ADARB1: variants seen among roughly 807,000 people sequenced by gnomAD.
ADARB1 encodes adenosine deaminase RNA specific B1, also known as double-stranded RNA-specific editase 1.
Under a neutral mutation model 52.4 loss-of-function variants are expected in ADARB1, and 10 were observed. The ratio of observed to expected loss-of-function variants is 0.19; its 90% CI spans 0.12 to 0.32. The LOEUF is 0.32. Among genes scored for constraint, ADARB1 ranks in the 10% least tolerant of loss-of-function variants. The pLI, the probability that ADARB1 is intolerant of heterozygous loss-of-function variation, is 1.00. For missense variants in ADARB1, 643 were observed against 922.3 expected, an observed-to-expected ratio of 0.70 and a Z score of 3.92; for synonymous variants, 349 against 371.1, an observed-to-expected ratio of 0.94 and a Z score of 0.68.
Position 45,074,724 on chromosome 21 carries a change from C to T in ADARB1, c.-289C>T, listed in dbSNP as rs2085841515. The T allele has an allele frequency of 6.8e-6, 1 of 146,324 alleles. No homozygotes were observed. The allele number at this position is 146,324 out of a possible 1,614,324, so 9.1% of individuals were successfully genotyped here. A position where few individuals can be genotyped will look rare whatever the true frequency, so the allele number is the denominator to read the frequency against. ...ACAACCAACGAGGCAGAGCGCCGCC[C>T]GGCGCGAGACTGCGGCCGAAGCGTG... is the stretch of plus-strand genomic sequence containing the variant. On this transcript the variant is annotated 5_prime_UTR_variant, in exon 1 of 11. Transcript: ENST00000348831.
chr21:45,184,817 T>C, intron 7 of ADARB1, 106 bp from the exon 8 acceptor site: 1 of 1,250,314 alleles, frequency 8.0e-7, no homozygotes, highest in Non-Finnish European at 1.1e-6. Context: ...TGCATTTATA[T>C]GCACAGACTG....
At chr21:45,207,512 G>A (rs2092689529) in intron 9 of ADARB1, among the ~76,000 whole-genome samples, 1 of 152,158 alleles carries the variant, frequency 6.6e-6, no homozygotes, top group South Asian at 2.1e-4. Flanking sequence ...AATCTGGAGA[G>A]GCAAATGTTG....
At chr21:45,174,663 A>G (rs1601770638) in intron 3 of ADARB1, among the ~76,000 whole-genome samples, 2 of 151,902 alleles carry the variant, frequency 1.3e-5, no homozygotes, top group East Asian at 3.9e-4. Flanking sequence ...AGATCGCGCC[A>G]CTGCACCCCA....
At position 45,180,428 on chromosome 21, in the gene ADARB1, A is replaced by C. The variant is rs2091889243; in HGVS notation, c.1062A>C (p.Gly354=). ...ACGCTCGCAGAAAAGTGCTGGCTGG[A>C]GTCGTCATGACAACAGGTAACCATC... ...SPHARRKVLA[G]VVMTTGTDVK... The change falls in exon 5 of 11, where the codon GGA becomes GGC. Residue 354 remains glycine, a synonymous_variant. Coordinates refer to ENST00000348831, the MANE Select transcript of ADARB1 (RefSeq NM_001112.4). 4.3e-6 allele frequency: 7 copies of C among 1,613,740 alleles called. No individual in the cohort carries two copies. Among genetic ancestry groups the C allele is most frequent in the Non-Finnish European group, 5.9e-6 (7 of 1,179,842 alleles).
rs1054448438 is a variant in ADARB1 at position 45,142,706 on chromosome 21, G to A, written c.-48+14133G>A. 6.6e-6 allele frequency among the ~76,000 whole-genome samples: 1 copy of A among 152,196 alleles called. No homozygotes were observed. The highest frequency in any genetic ancestry group is 2.4e-5 in the African/African-American group (1 of 41,462). On this transcript the variant is annotated intron_variant, in intron 2 of 10. Transcript: ENST00000348831. The surrounding 1 kb of genome is among the most constrained non-coding windows in gnomAD (Gnocchi z 4.0). Reference sequence around the variant, plus strand: ...GAGCCGTGTGGGATCTGCCTACTGGGTGTGCAGCTGCTGCGGCCTAAGCGG... The same window carrying A: ...GAGCCGTGTGGGATCTGCCTACTGGATGTGCAGCTGCTGCGGCCTAAGCGG...
intron 8 of ADARB1, among the ~76,000 whole-genome samples, chr21:45,188,217 C>T (rs1171394423): frequency 6.6e-6 from 1 of 152,118 alleles, no homozygotes; most frequent in African/African-American, 2.4e-5. Flanking sequence ...AGTGATTCTC[C>T]TGCTTCAGCC....
At chr21:45,161,938 A>G (rs1283331635) in intron 2 of ADARB1, among the ~76,000 whole-genome samples, 2 of 152,094 alleles carry the variant, frequency 1.3e-5, no homozygotes, top group Admixed American at 6.5e-5. Context: ...CTGTTCTGTC[A>G]CTCAATGAAG....
At chr21:45,165,184 G>A (rs1601713838) in intron 2 of ADARB1, among the ~76,000 whole-genome samples, 1 of 152,254 alleles carries the variant, frequency 6.6e-6, no homozygotes, top group East Asian at 1.9e-4. Context: ...AGTGAGGAAG[G>A]AACTAGAGCC....
intron 2 of ADARB1, among the ~76,000 whole-genome samples, chr21:45,143,565 A>T (rs747232481): frequency 9.9e-5 from 15 of 152,216 alleles, no homozygotes; most frequent in Non-Finnish European, 1.9e-4. Flanking sequence ...ATGCTGCCAC[A>T]GTCTCTTGCC....
At position 45,142,131 on chromosome 21, in the gene ADARB1, G is replaced by C. The variant is rs2089761126; in HGVS notation, c.-48+13558G>C. Among the ~76,000 whole-genome samples the C allele has an allele frequency of 6.6e-6, 1 of 152,204 alleles. No homozygotes were observed. On this transcript the variant is annotated intron_variant, in intron 2 of 10. Coordinates refer to ENST00000348831, the MANE Select transcript of ADARB1 (RefSeq NM_001112.4). This position sits in a 1 kb window ranked among gnomAD's most constrained non-coding sequence, Gnocchi z 4.0. ...CCCCTGGGTTACCTGAGCCACCCTT[G>C]GTCACTGTCTGTGGGTGCTTGCTTG...
At chr21:45,139,627 G>T (rs1409919462) in intron 2 of ADARB1, among the ~76,000 whole-genome samples, 1 of 152,182 alleles carries the variant, frequency 6.6e-6, no homozygotes, top group East Asian at 1.9e-4. Context: ...CCTGTCGGGC[G>T]CAGCGAGCGT....
In ADARB1 at chr21:45,128,198, G is replaced by T. The variant is rs2088713722; in HGVS notation, c.-219-204G>T. 6.6e-6 allele frequency among the ~76,000 whole-genome samples: 1 copy of T among 152,272 alleles called. No individual in the cohort carries two copies. The highest frequency in any genetic ancestry group is 2.1e-4 in the South Asian group (1 of 4,832). ...TCTGTCACAGGTGCCTCTACCTGCTGCAGGCAGACGGACGGAGACGTGATG... is the reference window on the plus strand; with the variant it reads ...TCTGTCACAGGTGCCTCTACCTGCTTCAGGCAGACGGACGGAGACGTGATG... On this transcript the variant is annotated intron_variant, in intron 1 of 10. Coordinates refer to ENST00000348831, the MANE Select transcript of ADARB1 (RefSeq NM_001112.4). This position sits in a 1 kb window ranked among gnomAD's most constrained non-coding sequence, Gnocchi z 4.6.
intron 2 of ADARB1, among the ~76,000 whole-genome samples, chr21:45,135,592 G>A (rs912885360): frequency 6.6e-6 from 1 of 152,246 alleles, no homozygotes; most frequent in African/African-American, 2.4e-5. Context: ...AGACAGAGTA[G>A]CCCCTAATGA....
At chr21:45,140,040 C>T (rs1278001405) in intron 2 of ADARB1, among the ~76,000 whole-genome samples, 3 of 146,744 alleles carry the variant, frequency 2.0e-5, no homozygotes, top group Admixed American at 7.0e-5. Flanking sequence ...GCCTTCCAGG[C>T]TCAAGCGATT....
chr21:45,122,084 C>T (rs1254856058), intron 1 of ADARB1, among the ~76,000 whole-genome samples: 1 of 152,332 alleles, frequency 6.6e-6, no homozygotes, highest in South Asian at 2.1e-4. Context: ...TGCCTCTGTA[C>T]TTGCTGCAGT....
In ADARB1 at chr21:45,157,269, A is replaced by G. The variant is rs2090709418; in HGVS notation, c.-47-14341A>G. 6.6e-6 allele frequency among the ~76,000 whole-genome samples: 1 copy of G among 152,260 alleles called. No homozygotes were observed. The highest frequency in any genetic ancestry group is 2.4e-5 in the African/African-American group (1 of 41,480). Reference sequence around the variant, plus strand: ...GAAATTGCACTTGAAATACCATGGAAATTGGATCCAAAGCAGATTGAACAG... The same window carrying G: ...GAAATTGCACTTGAAATACCATGGAGATTGGATCCAAAGCAGATTGAACAG... On this transcript the variant is annotated intron_variant, in intron 2 of 10. Coordinates refer to ENST00000348831, the MANE Select transcript of ADARB1 (RefSeq NM_001112.4). The surrounding 1 kb of genome is among the most constrained non-coding windows in gnomAD (Gnocchi z 4.1).
chr21:45,101,275 T>A (rs1443358961), intron 1 of ADARB1, among the ~76,000 whole-genome samples: 1 of 152,126 alleles, frequency 6.6e-6, no homozygotes, highest in Non-Finnish European at 1.5e-5. Context: ...ACGTGCTCGC[T>A]GTGCCCTGCG....
chr21:45,088,429 T>C (rs534824637), intron 1 of ADARB1, among the ~76,000 whole-genome samples: 2 of 152,318 alleles, frequency 1.3e-5, no homozygotes, highest in African/African-American at 2.4e-5. Flanking sequence ...GTAATGATAG[T>C]ATAGGTGTAT....
At chr21:45,152,670 G>C (rs575718547) in intron 2 of ADARB1, 6 of 449,830 alleles carry the variant, frequency 1.3e-5, no homozygotes, top group African/African-American at 1.2e-4. Flanking sequence ...ATGGGGCGTC[G>C]GTATAAAAGG....
Sources: gnomAD v4.1 joint callset for allele counts (sites outside exome capture counted in the v4.1 genomes callset) on GRCh38, gnomAD v4.1.1 for gene constraint, Gnocchi (gnomAD v3.1) non-coding constraint, MANE v1.5 for transcripts, NCBI Gene and HGNC (gene_info 2026-07-23, HGNC 2026-07-21) for gene names.